Variants in PLSCR2 observed in about 807,000 individuals in gnomAD.
PLSCR2 encodes the protein PL scramblase 2.
A neutral mutation model predicts 25.3 loss-of-function variants in PLSCR2; 18 were observed. That is an observed-to-expected ratio of 0.71 (90% CI 0.49 to 1.06). The LOEUF (loss-of-function observed/expected upper bound fraction) is 1.06. Among genes scored for constraint, PLSCR2 ranks in the 50% least tolerant of loss-of-function variants. PLSCR2 has a pLI of 0.00. For missense variants in PLSCR2, 243 were observed against 269.5 expected (o/e 0.90, Z 0.69); for synonymous variants, 88 against 87.3 (o/e 1.01, Z -0.04).
chr3:146,477,010 G>C (rs374669409), intron 1 of PLSCR2, among the ~76,000 whole-genome samples: 1 of 152,184 alleles, frequency 6.6e-6, no homozygotes, highest in African/African-American at 2.4e-5. Flanking sequence ...GGACAGCCAG[G>C]GTACTTTGTT....
chr3:146,463,903 C>T (rs2041741792), upstream of PLSCR2: 4 of 972,578 alleles, frequency 4.1e-6, no homozygotes, highest in Non-Finnish European at 4.9e-6. Flanking sequence ...TAGTGAAACT[C>T]TTAAGAATTC....
At chr3:146,470,357 C>G (rs1342745270) in intron 1 of PLSCR2, among the ~76,000 whole-genome samples, 1 of 152,066 alleles carries the variant, frequency 6.6e-6, no homozygotes, top group Non-Finnish European at 1.5e-5. Context: ...CCAGCCTGGA[C>G]AACATGGTGA....
chr3:146,476,803 C>G (rs1035963848), intron 1 of PLSCR2, among the ~76,000 whole-genome samples: 1 of 152,172 alleles, frequency 6.6e-6, no homozygotes, highest in Admixed American at 6.5e-5. Context: ...TGGGGCCTCC[C>G]TGCAAAAACT....
At chr3:146,445,355 T>C (rs1009216496) in intron 6 of PLSCR2, among the ~76,000 whole-genome samples, 4 of 152,184 alleles carry the variant, frequency 2.6e-5, no homozygotes, top group African/African-American at 9.6e-5. Context: ...CTGGTATTAA[T>C]GAAATTCCTC....
intron 1 of PLSCR2, among the ~76,000 whole-genome samples, chr3:146,467,238 C>G (rs904388552): frequency 1.3e-5 from 2 of 151,916 alleles, no homozygotes; most frequent in Admixed American, 6.6e-5. Flanking sequence ...TCAACTAGAC[C>G]CAACTGAAAT....
chr3:146,469,234 A>T, intron 1 of PLSCR2: 15 of 985,642 alleles, frequency 1.5e-5, no homozygotes, highest in Non-Finnish European at 1.8e-5. Context: ...AGTGTAGCTA[A>T]GGGGAAGCTG....
chr3:146,411,137 G>C (rs1170563865), intron 2 of PLSCR2, among the ~76,000 whole-genome samples: 1 of 151,954 alleles, frequency 6.6e-6, no homozygotes, highest in African/African-American at 2.4e-5. Context: ...ATGAGAGATA[G>C]AAAAAGGGAG....
intron 8 of PLSCR2, among the ~76,000 whole-genome samples, chr3:146,436,537 T>C (rs1458626185): frequency 6.6e-6 from 1 of 152,230 alleles, no homozygotes; most frequent in Non-Finnish European, 1.5e-5. Flanking sequence ...TTTGAAGCAA[T>C]TGTGAATGGG....
At chr3:146,470,066 G>T (rs918746327) in intron 1 of PLSCR2, among the ~76,000 whole-genome samples, 7 of 152,092 alleles carry the variant, frequency 4.6e-5, no homozygotes, top group Non-Finnish European at 8.8e-5. Context: ...GAGCGGTCGA[G>T]ATTATTTTAT....
downstream of PLSCR2, among the ~76,000 whole-genome samples, chr3:146,438,642 T>A (rs2040037565): frequency 6.6e-6 from 1 of 152,204 alleles, no homozygotes; most frequent in African/African-American, 2.4e-5. Flanking sequence ...TCTTCCTGCA[T>A]CCCTTTATTT....
intron 5 of PLSCR2, among the ~76,000 whole-genome samples, chr3:146,452,845 C>T (rs536016043): frequency 1.3e-5 from 2 of 151,966 alleles, no homozygotes; most frequent in South Asian, 4.1e-4. Context: ...ATACATATCC[C>T]TACATAAAGT....
downstream of PLSCR2, among the ~76,000 whole-genome samples, chr3:146,431,819 C>A (rs750138878): frequency 2.0e-4 from 30 of 150,112 alleles, no homozygotes; most frequent in Non-Finnish European, 8.9e-5. Context: ...ACACAATTCA[C>A]AGGCCAAAAG....
upstream of PLSCR2, chr3:146,462,100 A>G (rs1423856502): frequency 4.1e-6 from 2 of 485,688 alleles, no homozygotes; most frequent in Admixed American, 7.5e-5. Flanking sequence ...TGCTGTCTAT[A>G]CATTTGTAGG....
chr3:146,400,919 C>A (rs906386414), intron 2 of PLSCR2, among the ~76,000 whole-genome samples: 3 of 151,798 alleles, frequency 2.0e-5, no homozygotes, highest in African/African-American at 7.2e-5. Context: ...AAAGAATAGT[C>A]TTTTACAAAT....
chr3:146,490,389 C>G (rs2043503209), intron 1 of PLSCR2, among the ~76,000 whole-genome samples: 1 of 152,016 alleles, frequency 6.6e-6, no homozygotes, highest in Non-Finnish European at 1.5e-5. Flanking sequence ...AGAATACTTC[C>G]TTCCTTCTTT....
At chr3:146,416,926 T>A (rs562524966) in intron 2 of PLSCR2, among the ~76,000 whole-genome samples, 1 of 152,226 alleles carries the variant, frequency 6.6e-6, no homozygotes, top group Non-Finnish European at 1.5e-5. Flanking sequence ...TAAATCTTTA[T>A]GTTTCAGAAT....
chr3:146,396,910 G>A (rs1179639868), intron 2 of PLSCR2, among the ~76,000 whole-genome samples: 4 of 151,978 alleles, frequency 2.6e-5, no homozygotes, highest in Non-Finnish European at 5.9e-5. Context: ...TTATACTACA[G>A]AAAAAATAAA....
At chr3:146,461,150 C>T (rs550512992), upstream of PLSCR2, among the ~76,000 whole-genome samples, 19 of 152,016 alleles carry the variant, frequency 1.2e-4, no homozygotes, top group Middle Eastern at 6.8e-3. Context: ...TTGTATAGTC[C>T]GCAGTGTAGT....
At chr3:146,456,279 A>G (rs898886234) in intron 3 of PLSCR2, among the ~76,000 whole-genome samples, 1 of 152,166 alleles carries the variant, frequency 6.6e-6, no homozygotes, top group Non-Finnish European at 1.5e-5. Flanking sequence ...GTTTAAAGCC[A>G]TGAAGGAGCA....
Sources: gnomAD v4.1 joint callset for allele counts (sites outside exome capture counted in the v4.1 genomes callset) on GRCh38, gnomAD v4.1.1 for gene constraint, MANE v1.5 for transcripts, NCBI Gene and HGNC (gene_info 2026-07-23, HGNC 2026-07-21) for gene names.